MAP3K9: variants seen among roughly 807,000 people sequenced by gnomAD.
MAP3K9 encodes the protein mixed lineage kinase 1 (tyr and ser/thr specificity).
MAP3K9 carries 46 observed loss-of-function variants against 95.8 expected under a neutral mutation model. The ratio of observed to expected loss-of-function variants is 0.48; its 90% confidence interval spans 0.38 to 0.61. MAP3K9 has a LOEUF of 0.61. Ranked by LOEUF, MAP3K9 falls within the 20% of genes least tolerant of loss-of-function variation. The pLI, the probability that MAP3K9 is intolerant of heterozygous loss-of-function variation, is 0.00. For missense variants in MAP3K9, 1,296 were observed against 1,474.3 expected (o/e 0.88, Z 1.98); for synonymous variants, 533 against 593.8 (o/e 0.90, Z 1.49).
intron 5 of MAP3K9, among the ~76,000 whole-genome samples, chr14:70,744,363 A>T (rs140836878): frequency 4.4e-4 from 66 of 149,466 alleles, no homozygotes; most frequent in African/African-American, 1.4e-3. Context: ...TAGTAAAAAT[A>T]AAAAAAAAGA....
intron 2 of MAP3K9, among the ~76,000 whole-genome samples, chr14:70,787,004 T>A (rs1456568547): frequency 6.6e-6 from 1 of 152,218 alleles, no homozygotes; most frequent in Non-Finnish European, 1.5e-5. Flanking sequence ...AGATGGCATG[T>A]ACACCGTGAA....
At position 70,776,473 on chromosome 14, in the gene MAP3K9, A is replaced by G. The variant is rs190288423; in HGVS notation, c.821-15291T>C. ...GAGTAGTACAGGCTGGACCCTGCAA[A>G]TTCAATACCATGCCTCATCCTCTAC... On this transcript the variant is annotated intron_variant, in intron 2 of 11. Transcript: ENST00000554752. Among the ~76,000 whole-genome samples, 5 of 152,300 alleles carry G rather than the reference A, an allele frequency of 3.3e-5. No individual in the cohort carries two copies. In the East Asian group the frequency reaches 9.6e-4, roughly 29 times the overall value.
intron 2 of MAP3K9, among the ~76,000 whole-genome samples, chr14:70,799,161 C>G (rs1334159696): frequency 6.7e-6 from 1 of 148,614 alleles, no homozygotes; most frequent in Admixed American, 6.7e-5. Context: ...ACAATAGACA[C>G]TTACTACTTA....
At chr14:70,742,698 C>A in intron 5 of MAP3K9, 107 bp from the exon 6 acceptor site, 3 of 1,327,026 alleles carry the variant, frequency 2.3e-6, no homozygotes, top group South Asian at 1.4e-5. Flanking sequence ...ACCTGGAGAG[C>A]TCTCCTATGA....
At chr14:70,747,979 G>A (rs2054171519) in intron 5 of MAP3K9, among the ~76,000 whole-genome samples, 1 of 150,922 alleles carries the variant, frequency 6.6e-6, no homozygotes, top group Non-Finnish European at 1.5e-5. Context: ...GAGGTGGCGG[G>A]CGCCTGTAGT....
chr14:70,790,855 AT>A (rs1227702304), intron 2 of MAP3K9, among the ~76,000 whole-genome samples: 1 of 152,216 alleles, frequency 6.6e-6, no homozygotes, highest in Non-Finnish European at 1.5e-5. Flanking sequence ...TTTGTGTGCC[AT>A]CCATAAGTGA....
At chr14:70,804,759 C>A (rs187877917) in intron 1 of MAP3K9, among the ~76,000 whole-genome samples, 1 of 152,100 alleles carries the variant, frequency 6.6e-6, no homozygotes. Context: ...CCTCTAAAAA[C>A]CTCTGCAGGG....
chr14:70,728,057 C>T lies in MAP3K9; in HGVS notation c.*2323G>A, dbSNP rs12879569. ...GTGGAGCCAAGGATATACAGATGTG[C>T]TCATGGTTTAGCCTGAGGTTATGGA... On this transcript the variant is annotated 3_prime_UTR_variant, in exon 12 of 12. Coordinates refer to ENST00000554752, the MANE Select transcript of MAP3K9 (RefSeq NM_001284230.2). 0.88 allele frequency: 132,478 copies of T among 150,778 alleles called. 58,331 individuals are homozygous for T. The highest frequency in any genetic ancestry group is 0.93 in the Middle Eastern group (274 of 294). 9.3% of individuals were successfully genotyped at this position (150,778 alleles called of 1,614,324 possible). A position where few individuals can be genotyped will look rare whatever the true frequency, so the allele number is the denominator to read the frequency against.
intron 3 of MAP3K9, among the ~76,000 whole-genome samples, chr14:70,751,915 A>C (rs1016378399): frequency 6.6e-6 from 1 of 152,300 alleles, no homozygotes; most frequent in Admixed American, 6.5e-5. Flanking sequence ...CACAGAGTAC[A>C]TCATGGTGGG....
Position 70,730,734 on chromosome 14 carries a change from C to CT in MAP3K9, c.2960dup (p.Thr988AspfsTer51). ...GCGGCCGAGGCAGAAACTCCAGAGT[C>CT]TTGGGTCTCTCCAAGGTAGAGTCCT... On this transcript the variant is annotated frameshift_variant, in exon 12 of 12. Transcript: ENST00000554752. LOFTEE classifies it high-confidence loss of function. 1 of 1,613,858 alleles carries CT rather than the reference C, an allele frequency of 6.2e-7. No homozygotes were observed. Among genetic ancestry groups the CT allele is most frequent in the Non-Finnish European group, 8.5e-7 (1 of 1,180,030 alleles).
At chr14:70,797,994 C>T (rs991983116) in intron 2 of MAP3K9, among the ~76,000 whole-genome samples, 3 of 152,110 alleles carry the variant, frequency 2.0e-5, no homozygotes, top group Non-Finnish European at 4.4e-5. Flanking sequence ...AAAATACTGC[C>T]GAATGTTTAA....
In MAP3K9 at chr14:70,783,317, T is replaced by A. The variant is rs115999613; in HGVS notation, c.820+17350A>T. 486 of 984,194 alleles carry A rather than the reference T, an allele frequency of 4.9e-4. 3 individuals carry two copies. The African/African-American group carries it at 7.5e-3, about 15-fold the overall frequency. The allele number at this position is 984,194 out of a possible 1,614,324, so 61.0% of individuals were successfully genotyped here. A position where few individuals can be genotyped will look rare whatever the true frequency, so the allele number is the denominator to read the frequency against. ...TAAATTCAAATTAGTCTGACTCTTA[T>A]TTTTCTTGAGCATCCAAAGGTTTCA... On this transcript the variant is annotated intron_variant, in intron 2 of 11. Transcript: ENST00000554752.
chr14:70,798,911 C>T (rs116741911), intron 2 of MAP3K9, among the ~76,000 whole-genome samples: 1,755 of 152,288 alleles, frequency 0.012, 44 homozygotes, highest in African/African-American at 0.04. Context: ...TTAAATACTT[C>T]ACATGCATCA....
At chr14:70,764,124 T>TGCA (rs2054413801) in intron 2 of MAP3K9, among the ~76,000 whole-genome samples, 1 of 125,798 alleles carries the variant, frequency 7.9e-6, no homozygotes, top group Admixed American at 1.0e-4. Flanking sequence ...AAGCGGAGCT[T>TGCA]GCAGTGAGCC....
intron 2 of MAP3K9, among the ~76,000 whole-genome samples, chr14:70,764,706 C>A (rs1194263285): frequency 6.6e-6 from 1 of 152,046 alleles, no homozygotes; most frequent in Non-Finnish European, 1.5e-5. Flanking sequence ...GTGGTGCATG[C>A]CTGTAGTCCC....
chr14:70,765,656 G>C (rs2054440096), intron 2 of MAP3K9, among the ~76,000 whole-genome samples: 1 of 151,524 alleles, frequency 6.6e-6, no homozygotes, highest in African/African-American at 2.4e-5. Context: ...ACTACACCAG[G>C]GGTGTCCAAT....
Position 70,724,845 on chromosome 14 carries a change from T to C in MAP3K9, c.*5535A>G, listed in dbSNP as rs561215306. 2.1e-3 allele frequency: 321 copies of C among 152,278 alleles called. 2 individuals are homozygous for C. Among genetic ancestry groups the C allele is most frequent in the Middle Eastern group, 0.01 (3 of 294 alleles). 9.4% of individuals were successfully genotyped at this position (152,278 alleles called of 1,614,324 possible). On this transcript the variant is annotated 3_prime_UTR_variant, in exon 12 of 12. Transcript: ENST00000554752. Reference sequence around the variant, plus strand: ...AGAATGCCCAGACGTCTATCCCTCATGTTCCGGTAGGAGAGGCCTGTCTGT... The same window carrying C: ...AGAATGCCCAGACGTCTATCCCTCACGTTCCGGTAGGAGAGGCCTGTCTGT...
intron 2 of MAP3K9, among the ~76,000 whole-genome samples, chr14:70,788,442 C>G (rs890409502): frequency 2.0e-5 from 3 of 152,184 alleles, no homozygotes; most frequent in Non-Finnish European, 4.4e-5. Context: ...AAGATGAGAT[C>G]GGTGGTATTA....
chr14:70,779,433 A>G (rs979882566), intron 2 of MAP3K9, among the ~76,000 whole-genome samples: 1 of 152,242 alleles, frequency 6.6e-6, no homozygotes, highest in African/African-American at 2.4e-5. Flanking sequence ...TGGGACAGTC[A>G]GACAGAGTAA....
Sources: gnomAD v4.1 joint callset for allele counts (sites outside exome capture counted in the v4.1 genomes callset) on GRCh38, gnomAD v4.1.1 for gene constraint, MANE v1.5 for transcripts, NCBI Gene and HGNC (gene_info 2026-07-23, HGNC 2026-07-21) for gene names.